Variants in EPS8 observed in about 807,000 individuals in gnomAD.
The protein encoded by EPS8 is EGFR pathway substrate 8, signaling adaptor, also known as epidermal growth factor receptor kinase substrate 8.
A neutral mutation model predicts 103.8 loss-of-function variants in EPS8; 42 were observed. The ratio of observed to expected loss-of-function variants is 0.40; its 90% CI spans 0.32 to 0.52. The LOEUF (loss-of-function observed/expected upper bound fraction) is 0.52, where lower values mean the gene tolerates loss of function less well. Ranked by LOEUF, EPS8 falls within the 20% of genes least tolerant of loss-of-function variation. The pLI, the probability that EPS8 is intolerant of heterozygous loss-of-function variation, is 0.40. For synonymous variants in EPS8, 344 were observed against 344.6 expected, an observed-to-expected ratio of 1.00 and a Z score of 0.02; for missense variants, 969 against 1,005.1, an observed-to-expected ratio of 0.96 and a Z score of 0.49.
At position 15,662,946 on chromosome 12, in the gene EPS8, T is replaced by C. The variant is rs140297362; in HGVS notation, c.737-847A>G. Among the ~76,000 whole-genome samples, 237 of 151,308 alleles carry C rather than the reference T, an allele frequency of 1.6e-3. 3 individuals are homozygous for C. Among genetic ancestry groups the C allele is most frequent in the African/African-American group, 5.4e-3 (222 of 41,228 alleles). On this transcript the variant is annotated intron_variant, in intron 8 of 20. Coordinates refer to ENST00000281172, the MANE Select transcript of EPS8 (RefSeq NM_004447.6). ...CTGCAAAAAAAAATTGGACACTTTG[T>C]ATTGCTATTCTTCCTTTACACTAAC...
intron 1 of EPS8, among the ~76,000 whole-genome samples, chr12:15,782,439 T>C (rs1947269755): frequency 6.6e-6 from 1 of 152,170 alleles, no homozygotes; most frequent in African/African-American, 2.4e-5. Context: ...TGGTTGAGGC[T>C]GCAGTAGGCC....
intron 1 of EPS8, among the ~76,000 whole-genome samples, chr12:15,726,114 CT>C (rs1241251857): frequency 1.3e-5 from 2 of 152,104 alleles, no homozygotes; most frequent in African/African-American, 4.8e-5. Flanking sequence ...GCCACTTCTC[CT>C]CCAGAAAGCC....
At position 15,785,922 on chromosome 12, in the gene EPS8, A is replaced by AAT. The variant is rs138935696; in HGVS notation, c.-22+3237_-22+3238dup. On this transcript the variant is annotated intron_variant, in intron 1 of 20. Transcript: ENST00000281172. This position sits in a 1 kb window ranked among gnomAD's most constrained non-coding sequence, Gnocchi z 4.9. ...AGATAGATAGATTTTATATTTATAT[A>AAT]ATATATATATATCCATGAGTCCAGA... 5.2e-4 allele frequency among the ~76,000 whole-genome samples: 78 copies of AAT among 151,444 alleles called. No homozygotes were observed. The highest frequency in any genetic ancestry group is 1.4e-3 in the African/African-American group (56 of 41,384).
intron 1 of EPS8, among the ~76,000 whole-genome samples, chr12:15,739,484 G>A (rs1946798235): frequency 6.6e-6 from 1 of 152,124 alleles, no homozygotes; most frequent in Admixed American, 6.6e-5. Flanking sequence ...CCATCCAATC[G>A]ACTGGGGGAC....
Position 15,769,204 on chromosome 12 carries a change from T to A in EPS8, c.-22+19957A>T, listed in dbSNP as rs1947128735. ...CAGGAGTTCTCTGTCTATAGAATAA[T>A]GTTGGCAAAATAAATTGACATATGC... On this transcript the variant is annotated intron_variant, in intron 1 of 20. Coordinates refer to ENST00000281172, the MANE Select transcript of EPS8 (RefSeq NM_004447.6). The surrounding 1 kb of genome is among the most constrained non-coding windows in gnomAD (Gnocchi z 4.6). Among the ~76,000 whole-genome samples the A allele has an allele frequency of 6.6e-6, 1 of 152,126 alleles. No homozygotes were observed. The highest frequency in any genetic ancestry group is 6.6e-5 in the Admixed American group (1 of 15,266).
Position 15,721,006 on chromosome 12 carries a change from T to C in EPS8, c.-21-38034A>G, listed in dbSNP as rs1436958503. ...CCCTACCACTTACTACAGTTGGTGATGTTGCATGTCATTTATTTTTGCCCT... is the reference window on the plus strand; with the variant it reads ...CCCTACCACTTACTACAGTTGGTGACGTTGCATGTCATTTATTTTTGCCCT... On this transcript the variant is annotated intron_variant, in intron 1 of 20. Coordinates refer to ENST00000281172, the MANE Select transcript of EPS8 (RefSeq NM_004447.6). The surrounding 1 kb of genome is among the most constrained non-coding windows in gnomAD (Gnocchi z 4.4). Among the ~76,000 whole-genome samples, 2 of 152,366 alleles carry C rather than the reference T, an allele frequency of 1.3e-5. No individual in the cohort carries two copies. The highest frequency in any genetic ancestry group is 3.9e-4 in the East Asian group (2 of 5,184).
At chr12:15,653,058 T>C (rs1202498313) in intron 13 of EPS8, among the ~76,000 whole-genome samples, 1 of 152,244 alleles carries the variant, frequency 6.6e-6, no homozygotes, top group Non-Finnish European at 1.5e-5. Context: ...AGTACTACAA[T>C]TGTTAATAAT....
At chr12:15,691,063 T>C (rs73315064) in intron 1 of EPS8, among the ~76,000 whole-genome samples, 8 of 151,948 alleles carry the variant, frequency 5.3e-5, no homozygotes, top group African/African-American at 1.9e-4. Context: ...ACAGAAAAGC[T>C]AGGACAAACT....
rs549856449 is a variant in EPS8 at position 15,682,844 on chromosome 12, C to G, written c.59+49G>C. The G allele has an allele frequency of 1.7e-5, 17 of 998,074 alleles. No individual in the cohort carries two copies. The African/African-American group carries it at 2.8e-4, about 16-fold the overall frequency. The allele number at this position is 998,074 out of a possible 1,614,324, so 61.8% of individuals were successfully genotyped here. ...TAAAAATATAAAACAATTAAAATCA[C>G]CAAATCAAATTCCCCCAAAACATAT... On this transcript the variant is annotated intron_variant, in intron 2 of 20. Coordinates refer to ENST00000281172, the MANE Select transcript of EPS8 (RefSeq NM_004447.6).
At chr12:15,768,899 T>C (rs1227821716) in intron 1 of EPS8, among the ~76,000 whole-genome samples, 1 of 152,236 alleles carries the variant, frequency 6.6e-6, no homozygotes, top group Admixed American at 6.5e-5. Flanking sequence ...ACCAAAACCA[T>C]TTCTTATATA....
At position 15,620,555 on chromosome 12, in the gene EPS8, CA is replaced by C. The variant is rs1449837323; in HGVS notation, c.*761del. 1 of 152,580 alleles carries C rather than the reference CA, an allele frequency of 6.6e-6. No homozygotes were observed. Among genetic ancestry groups the C allele is most frequent in the Non-Finnish European group, 1.5e-5 (1 of 68,040 alleles). 9.5% of individuals were successfully genotyped at this position (152,580 alleles called of 1,614,324 possible). On this transcript the variant is annotated 3_prime_UTR_variant, in exon 21 of 21. Transcript: ENST00000281172. Reference sequence around the variant, plus strand: ...TTAAGCAAAATACTGTAATGCACACCAATGCAGACTACTTCCTTTGCTAGAT... The same window carrying C: ...TTAAGCAAAATACTGTAATGCACACCATGCAGACTACTTCCTTTGCTAGAT...
In EPS8 at chr12:15,748,328, CA is replaced by C. The variant is rs1385685674; in HGVS notation, c.-22+40832del. Among the ~76,000 whole-genome samples, 1 of 152,058 alleles carries C rather than the reference CA, an allele frequency of 6.6e-6. No individual in the cohort carries two copies. Among genetic ancestry groups the C allele is most frequent in the East Asian group, 1.9e-4 (1 of 5,200 alleles). ...TAATATTCTTAAGTCAAATGCTCAC[CA>C]ATTTTAAGTATTCATCTATTACCAA... is the stretch of plus-strand genomic sequence containing the variant. On this transcript the variant is annotated intron_variant, in intron 1 of 20. Coordinates refer to ENST00000281172, the MANE Select transcript of EPS8 (RefSeq NM_004447.6). The surrounding 1 kb of genome is among the most constrained non-coding windows in gnomAD (Gnocchi z 4.8).
rs1470122385 is a variant in EPS8 at position 15,735,591 on chromosome 12, C to G, written c.-21-52619G>C. Among the ~76,000 whole-genome samples, 1 of 152,102 alleles carries G rather than the reference C, an allele frequency of 6.6e-6. No homozygotes were observed. Among genetic ancestry groups the G allele is most frequent in the Non-Finnish European group, 1.5e-5 (1 of 68,008 alleles). Reference sequence around the variant, plus strand: ...AATTTTGAATCTTTTTAATATTTTTCTAGCGTTTTATAAACTGTAAGTAAA... The same window carrying G: ...AATTTTGAATCTTTTTAATATTTTTGTAGCGTTTTATAAACTGTAAGTAAA... On this transcript the variant is annotated intron_variant, in intron 1 of 20. Coordinates refer to ENST00000281172, the MANE Select transcript of EPS8 (RefSeq NM_004447.6). This position sits in a 1 kb window ranked among gnomAD's most constrained non-coding sequence, Gnocchi z 4.4.
intron 14 of EPS8, among the ~76,000 whole-genome samples, chr12:15,650,193 C>T (rs1945387901): frequency 6.6e-6 from 1 of 152,096 alleles, no homozygotes; most frequent in South Asian, 2.1e-4. Flanking sequence ...AAGATCTCCT[C>T]AAGGTGTAGT....
chr12:15,777,727 G>A lies in EPS8; in HGVS notation c.-22+11434C>T, dbSNP rs1438068438. On this transcript the variant is annotated intron_variant, in intron 1 of 20. Transcript: ENST00000281172. The surrounding 1 kb of genome is among the most constrained non-coding windows in gnomAD (Gnocchi z 4.7). ...TTAAAGCCATCTGAGGATTGAAAAA[G>A]GGTGTCAGAAACGAGCAAAAGGAGG... is the stretch of plus-strand genomic sequence containing the variant. Among the ~76,000 whole-genome samples, 1 of 152,334 alleles carries A rather than the reference G, an allele frequency of 6.6e-6. No individual in the cohort carries two copies. Among genetic ancestry groups the A allele is most frequent in the East Asian group, 1.9e-4 (1 of 5,182 alleles).
intron 1 of EPS8, among the ~76,000 whole-genome samples, chr12:15,719,869 A>G (rs1225199402): frequency 6.6e-6 from 1 of 152,194 alleles, no homozygotes; most frequent in African/African-American, 2.4e-5. Context: ...TATTTTTGAC[A>G]TGGGGCTATG....
At chr12:15,686,944 T>C (rs1228641797) in intron 1 of EPS8, among the ~76,000 whole-genome samples, 1 of 152,186 alleles carries the variant, frequency 6.6e-6, no homozygotes, top group Non-Finnish European at 1.5e-5. Context: ...TTGGATATGA[T>C]ATTGAAACAT....
In EPS8 at chr12:15,653,990, A is replaced by G. The variant is rs34585787; in HGVS notation, c.1250+155T>C. On this transcript the variant is annotated intron_variant, in intron 13 of 20. Transcript: ENST00000281172. The stretch of plus-strand genomic sequence containing the variant: ...CATGCCTTATATTACATACACTTCT[A>G]TCTCTTCCACTAGACTTCTAGCCTT... Among the ~76,000 whole-genome samples, 3,355 of 152,212 alleles carry G rather than the reference A, an allele frequency of 0.022. 57 individuals are homozygous for G. The highest frequency in any genetic ancestry group is 0.053 in the African/African-American group (2,185 of 41,500).
intron 3 of EPS8, among the ~76,000 whole-genome samples, chr12:15,674,852 T>TAA (rs58377349): frequency 2.3e-4 from 35 of 150,808 alleles, no homozygotes; most frequent in Admixed American, 2.6e-4. Flanking sequence ...TTTGTTCTGT[T>TAA]AAAAAAAAAG....
Sources: gnomAD v4.1 joint callset for allele counts (sites outside exome capture counted in the v4.1 genomes callset) on GRCh38, gnomAD v4.1.1 for gene constraint, Gnocchi (gnomAD v3.1) non-coding constraint, MANE v1.5 for transcripts, NCBI Gene and HGNC (gene_info 2026-07-23, HGNC 2026-07-21) for gene names.